KCTD3: variants seen among roughly 807,000 people sequenced by gnomAD.
KCTD3 encodes potassium channel tetramerization domain containing 3, also known as BTB/POZ domain-containing protein KCTD3.
Under a neutral mutation model 85.8 loss-of-function variants are expected in KCTD3, and 41 were observed. That is an observed-to-expected ratio of 0.48 (90% CI 0.37 to 0.62). KCTD3 has a LOEUF of 0.62. KCTD3 is among the 20% of genes least tolerant of loss of function. The pLI, the probability that KCTD3 is intolerant of heterozygous loss-of-function variation, is 0.00. For missense variants in KCTD3, 724 were observed against 989.9 expected (o/e 0.73, Z 3.60); for synonymous variants, 338 against 345.4 (o/e 0.98, Z 0.24).
Position 215,620,730 on chromosome 1 carries a change from C to A in KCTD3, c.*112C>A. ...AACTTTACAAGATAAAATTGGACTTCATTTAGTATCTTTTTAACAGAATTA... is the reference window on the plus strand; with the variant it reads ...AACTTTACAAGATAAAATTGGACTTAATTTAGTATCTTTTTAACAGAATTA... On this transcript the variant is annotated 3_prime_UTR_variant, in exon 18 of 18. Coordinates refer to ENST00000259154, the MANE Select transcript of KCTD3 (RefSeq NM_016121.5). 1 of 677,986 alleles carries A rather than the reference C, an allele frequency of 1.5e-6. No homozygotes were observed. The highest frequency in any genetic ancestry group is 2.4e-6 in the Non-Finnish European group (1 of 414,994). The allele number at this position is 677,986 out of a possible 1,614,324, so 42.0% of individuals were successfully genotyped here.
intron 8 of KCTD3, among the ~76,000 whole-genome samples, chr1:215,581,716 A>G (rs1659831906): frequency 6.6e-6 from 1 of 152,250 alleles, no homozygotes; most frequent in Admixed American, 6.5e-5. Context: ...AGTGTCTGAC[A>G]TTTCAGAGCA....
intron 9 of KCTD3, among the ~76,000 whole-genome samples, chr1:215,591,328 TTCCTTCC>T: frequency 6.7e-6 from 1 of 148,528 alleles, no homozygotes; most frequent in East Asian, 2.0e-4. Context: ...CCTTCCTTCC[TTCCTTCC>T]TTCCTTCCTT....
chr1:215,575,551 TATTA>T (rs1659539774), intron 3 of KCTD3, among the ~76,000 whole-genome samples: 1 of 152,226 alleles, frequency 6.6e-6, no homozygotes, highest in Non-Finnish European at 1.5e-5. Flanking sequence ...GTTTTCGAAG[TATTA>T]ATTGAATTCT....
intron 8 of KCTD3, among the ~76,000 whole-genome samples, chr1:215,583,726 ATCT>A (rs1390143528): frequency 1.3e-5 from 2 of 152,164 alleles, no homozygotes; most frequent in South Asian, 2.1e-4. Context: ...AGGAAGATTC[ATCT>A]TCTGTAACTT....
At chr1:215,580,750 TGTTGA>T (rs1159360255) in intron 8 of KCTD3, among the ~76,000 whole-genome samples, 1 of 152,190 alleles carries the variant, frequency 6.6e-6, no homozygotes. Context: ...TGTTTATCAC[TGTTGA>T]GTTCGGTTAA....
At position 215,618,821 on chromosome 1, in the gene KCTD3, T is replaced by C. The variant is rs146314915; in HGVS notation, c.1563-65T>C. The C allele has an allele frequency of 4.7e-4, 571 of 1,221,356 alleles. 1 individual carries two copies. In the African/African-American group the frequency reaches 8.1e-3, roughly 17 times the overall value. The allele number at this position is 1,221,356 out of a possible 1,614,324, so 75.7% of individuals were successfully genotyped here. On this transcript the variant is annotated intron_variant, in intron 15 of 17. Coordinates refer to ENST00000259154, the MANE Select transcript of KCTD3 (RefSeq NM_016121.5). ...GCTTTCTTTCTTTCTGTCTTTTTAG[T>C]TTCATAGCTTCTTTTTAAATAATTG...
At chr1:215,616,803 A>G (rs187749944) in intron 15 of KCTD3, among the ~76,000 whole-genome samples, 13 of 152,360 alleles carry the variant, frequency 8.5e-5, no homozygotes, top group Admixed American at 3.3e-4. Flanking sequence ...ATTGTGAAAT[A>G]CATATTTGGT....
intron 1 of KCTD3, among the ~76,000 whole-genome samples, chr1:215,569,904 A>C (rs1303733375): frequency 6.6e-6 from 1 of 152,238 alleles, no homozygotes; most frequent in Non-Finnish European, 1.5e-5. Flanking sequence ...AATTGTTAAG[A>C]TAAAATGGCT....
At chr1:215,575,476 G>A (rs1407355552) in intron 3 of KCTD3, among the ~76,000 whole-genome samples, 3 of 152,132 alleles carry the variant, frequency 2.0e-5, no homozygotes, top group African/African-American at 4.8e-5. Flanking sequence ...GTACCCCTGT[G>A]TGCATTATTA....
chr1:215,580,981 G>C, intron 8 of KCTD3: 1 of 466,236 alleles, frequency 2.1e-6, no homozygotes, highest in Non-Finnish European at 4.4e-6. Flanking sequence ...GAGTGTTTTG[G>C]CTGGGCACGG....
intron 14 of KCTD3, among the ~76,000 whole-genome samples, chr1:215,609,459 A>G (rs1409307061): frequency 6.6e-6 from 1 of 152,006 alleles, no homozygotes; most frequent in Non-Finnish European, 1.5e-5. Context: ...GCATCTATAC[A>G]TCAAACTAAG....
intron 9 of KCTD3, among the ~76,000 whole-genome samples, chr1:215,591,821 G>C (rs1395826622): frequency 6.6e-6 from 1 of 152,148 alleles, no homozygotes; most frequent in Non-Finnish European, 1.5e-5. Flanking sequence ...CGCCTCCTCA[G>C]TTCAGGGAAA....
chr1:215,567,716 G>A lies in KCTD3; in HGVS notation c.31G>A (p.Ala11Thr). The A allele has an allele frequency of 4.8e-6, 6 of 1,242,628 alleles. No individual in the cohort carries two copies. The highest frequency in any genetic ancestry group is 4.2e-5 in the Admixed American group (1 of 23,712). 77.0% of individuals were successfully genotyped at this position (1,242,628 alleles called of 1,614,324 possible). A position where few individuals can be genotyped will look rare whatever the true frequency, so the allele number is the denominator to read the frequency against. The stretch of plus-strand genomic sequence containing the variant: ...GGGAGGGCACTGCGGCAGCTTCCCC[G>A]CGGCGGCGGCCGGCAGCGGCGAGAT... The part of the protein sequence containing the change: MAGGHCGSFP[A>T]AAAGSGEIVQ... Residue 11 changes from alanine to threonine, a missense_variant, in exon 1 of 18, where the codon GCG (alanine) becomes ACG (threonine). This residue lies in a region of KCTD3 where 97 missense variants were observed against 115.7 expected (regional missense o/e 0.84). Coordinates refer to ENST00000259154, the MANE Select transcript of KCTD3 (RefSeq NM_016121.5).
intron 15 of KCTD3, 41 bp downstream of exon 15, chr1:215,611,962 C>A: frequency 7.6e-7 from 1 of 1,313,260 alleles, no homozygotes; most frequent in Non-Finnish European, 1.1e-6. Context: ...CAGAAGCCAC[C>A]TTTTGTCTTA....
Position 215,619,172 on chromosome 1 carries a change from A to G in KCTD3, c.1767A>G (p.Glu589=). ...SEDKDVGGPT[E]EELLKLLDQC... ...CCTAAGATGTAGGTGGTCCAACCGA[A>G]GAAGAGCTACTCAAATTACTCGATC... Residue 589 remains glutamate, a synonymous_variant, in exon 17 of 18, where the codon GAA becomes GAG. Transcript: ENST00000259154. 1 of 1,614,008 alleles carries G rather than the reference A, an allele frequency of 6.2e-7. No individual in the cohort carries two copies. Among genetic ancestry groups the G allele is most frequent in the African/African-American group, 1.3e-5 (1 of 75,076 alleles).
chr1:215,594,031 T>C (rs1249002717), intron 9 of KCTD3, among the ~76,000 whole-genome samples: 1 of 152,028 alleles, frequency 6.6e-6, no homozygotes, highest in Non-Finnish European at 1.5e-5. Context: ...AGCTAATTTT[T>C]GTATTTTTAG....
chr1:215,571,700 A>G (rs867156073), intron 1 of KCTD3, among the ~76,000 whole-genome samples: 3 of 147,562 alleles, frequency 2.0e-5, no homozygotes, highest in Middle Eastern at 3.6e-3. Context: ...GCGCGATCTC[A>G]GCTCACTGCC....
At chr1:215,579,403 G>A (rs1659715568) in intron 7 of KCTD3, among the ~76,000 whole-genome samples, 1 of 152,094 alleles carries the variant, frequency 6.6e-6, no homozygotes. Flanking sequence ...TGTGGGCCAC[G>A]TGTTCTCTGT....
intron 14 of KCTD3, 90 bp from the exon 15 acceptor site, chr1:215,611,722 GTATAAGAAATTCT>G: frequency 1.5e-6 from 1 of 689,056 alleles, no homozygotes. Flanking sequence ...ATATTGGTAC[GTATAAGAAATTCT>G]TTTCTTATAT....
Sources: gnomAD v4.1 joint callset for allele counts (sites outside exome capture counted in the v4.1 genomes callset) on GRCh38, gnomAD v4.1.1 for gene constraint, gnomAD v4.1.1 regional missense constraint, MANE v1.5 for transcripts, NCBI Gene and HGNC (gene_info 2026-07-23, HGNC 2026-07-21) for gene names.